SCHIP1: variants seen among roughly 807,000 people sequenced by gnomAD.
SCHIP1 encodes the protein schwannomin-interacting protein 1.
Under a neutral mutation model 29.7 loss-of-function variants are expected in SCHIP1, and 8 were observed. The ratio of observed to expected loss-of-function variants is 0.27; its 90% CI spans 0.16 to 0.49. The LOEUF (loss-of-function observed/expected upper bound fraction) is 0.49. SCHIP1 is among the 20% of genes least tolerant of loss of function. SCHIP1 has a pLI of 0.99. For missense variants in SCHIP1, 193 were observed against 294.6 expected (o/e 0.66, Z 2.52); for synonymous variants, 76 against 94.9 (o/e 0.80, Z 1.16).
the SCHIP1 span, among the ~76,000 whole-genome samples, chr3:159,796,819 A>G: frequency 2.7e-4 from 41 of 152,300 alleles, no homozygotes; most frequent in African/African-American, 9.6e-4. Flanking sequence ...AAGGGAGGTA[A>G]AACTAAAACC....
At chr3:159,626,772 G>T in the SCHIP1 span, among the ~76,000 whole-genome samples, 1 of 152,170 alleles carries the variant, frequency 6.6e-6, no homozygotes, top group Admixed American at 6.5e-5. Context: ...CCCTGAAGAA[G>T]CTGGTCTCCT....
the SCHIP1 span, among the ~76,000 whole-genome samples, chr3:159,427,049 C>G: frequency 1.3e-5 from 2 of 152,128 alleles, no homozygotes; most frequent in Non-Finnish European, 2.9e-5. Context: ...ATAATAAGAG[C>G]TATCTATGAC....
chr3:159,485,488 G>A, the SCHIP1 span, among the ~76,000 whole-genome samples: 67 of 152,182 alleles, frequency 4.4e-4, no homozygotes, highest in Admixed American at 4.0e-3. Flanking sequence ...AATTGGCTGT[G>A]AGATATTGGG....
the SCHIP1 span, among the ~76,000 whole-genome samples, chr3:159,560,227 AACT>A: frequency 6.6e-6 from 1 of 152,210 alleles, no homozygotes; most frequent in African/African-American, 2.4e-5. Context: ...TAAATACGAT[AACT>A]ACATCTTGCC....
the SCHIP1 span, among the ~76,000 whole-genome samples, chr3:159,778,217 T>C: frequency 1.0e-5 from 1 of 95,364 alleles, no homozygotes; most frequent in African/African-American, 4.2e-5. Flanking sequence ...ATGGTCTCTA[T>C]CTCCTGACCT....
chr3:159,422,538 A>C, the SCHIP1 span, among the ~76,000 whole-genome samples: 1 of 152,274 alleles, frequency 6.6e-6, no homozygotes, highest in Non-Finnish European at 1.5e-5. Flanking sequence ...ACCTGAATAC[A>C]CCTATGCAAC....
chr3:159,303,632 A>C, the SCHIP1 span, among the ~76,000 whole-genome samples: 1 of 152,174 alleles, frequency 6.6e-6, no homozygotes, highest in Non-Finnish European at 1.5e-5. Context: ...ATTGAGAGCT[A>C]GGGGAAAGCT....
the SCHIP1 span, among the ~76,000 whole-genome samples, chr3:159,731,642 G>T: frequency 2.6e-5 from 4 of 152,162 alleles, no homozygotes; most frequent in African/African-American, 9.7e-5. Flanking sequence ...TCTCTCTTTT[G>T]TCTTGGAGTC....
the SCHIP1 span, among the ~76,000 whole-genome samples, chr3:159,305,203 G>A: frequency 1.3e-5 from 2 of 152,120 alleles, no homozygotes; most frequent in Non-Finnish European, 2.9e-5. Context: ...GCCCTGCTGG[G>A]TCCAGTAGCA....
the SCHIP1 span, among the ~76,000 whole-genome samples, chr3:159,619,971 T>C: frequency 6.6e-6 from 1 of 152,218 alleles, no homozygotes; most frequent in African/African-American, 2.4e-5. Context: ...AAATCAAATT[T>C]ACCTTCATAA....
At chr3:159,419,654 C>CA in the SCHIP1 span, among the ~76,000 whole-genome samples, 1 of 151,996 alleles carries the variant, frequency 6.6e-6, no homozygotes, top group East Asian at 1.9e-4. Flanking sequence ...ACTAAAAATG[C>CA]AAAAATTAGC....
the SCHIP1 span, among the ~76,000 whole-genome samples, chr3:159,723,157 A>G: frequency 6.6e-6 from 1 of 152,326 alleles, no homozygotes; most frequent in East Asian, 1.9e-4. Flanking sequence ...CAGTCCTCTT[A>G]GAGATTGAAG....
At chr3:159,871,954 T>C (rs1027594890) in intron 2 of SCHIP1, among the ~76,000 whole-genome samples, 6 of 152,148 alleles carry the variant, frequency 3.9e-5, no homozygotes, top group African/African-American at 1.4e-4. Context: ...TCCCCTACTT[T>C]CAGCTGTATC....
At chr3:159,442,667 G>A in the SCHIP1 span, among the ~76,000 whole-genome samples, 1 of 152,156 alleles carries the variant, frequency 6.6e-6, no homozygotes, top group East Asian at 1.9e-4. Context: ...TCAGATCCAT[G>A]AGCTGGCTGC....
At chr3:159,786,295 G>A in the SCHIP1 span, among the ~76,000 whole-genome samples, 1 of 152,060 alleles carries the variant, frequency 6.6e-6, no homozygotes, top group African/African-American at 2.4e-5. Context: ...AGTTTTAATA[G>A]ACATTTCCTA....
At chr3:159,814,176 A>G in the SCHIP1 span, among the ~76,000 whole-genome samples, 1 of 152,094 alleles carries the variant, frequency 6.6e-6, no homozygotes, top group East Asian at 1.9e-4. Context: ...ATATCCAAAG[A>G]CAGGTTGATG....
the SCHIP1 span, among the ~76,000 whole-genome samples, chr3:159,579,771 T>C: frequency 6.6e-6 from 1 of 152,340 alleles, no homozygotes; most frequent in Non-Finnish European, 1.5e-5. Context: ...GTAAGTCTTC[T>C]ATTTTGTTTA....
the SCHIP1 span, among the ~76,000 whole-genome samples, chr3:159,627,957 C>G: frequency 6.6e-6 from 1 of 152,292 alleles, no homozygotes; most frequent in South Asian, 2.1e-4. Flanking sequence ...GTTGGGCTTA[C>G]TAAAGCAGTC....
chr3:159,330,218 A>G, the SCHIP1 span, among the ~76,000 whole-genome samples: 2 of 152,234 alleles, frequency 1.3e-5, no homozygotes, highest in African/African-American at 2.4e-5. Flanking sequence ...TAATGTAGAC[A>G]TCAAAGTATG....
Sources: allele counts gnomAD v4.1 joint callset (sites outside exome capture counted in the v4.1 genomes callset), GRCh38; gene constraint gnomAD v4.1.1; transcripts MANE v1.5; gene names NCBI Gene and HGNC (gene_info 2026-07-23, HGNC 2026-07-21).